The following TADA2B variants were observed in gnomAD, a reference collection of about 807,000 sequenced individuals.
TADA2B encodes the protein transcriptional adapter 2-beta.
TADA2B carries 13 observed loss-of-function variants against 34.5 expected under a neutral mutation model. The observed-to-expected ratio is 0.38, with a 90% CI of 0.25 to 0.60. The LOEUF (loss-of-function observed/expected upper bound fraction) is 0.60, where lower values mean the gene tolerates loss of function less well. Among genes scored for constraint, TADA2B ranks in the 20% least tolerant of loss-of-function variants. The pLI, the probability that TADA2B is intolerant of heterozygous loss-of-function variation, is 0.65. For synonymous variants in TADA2B, 240 were observed against 243.4 expected (o/e 0.99, Z 0.13); for missense variants, 442 against 575.0 (o/e 0.77, Z 2.37).
At position 7,057,081 on chromosome 4, in the gene TADA2B, C is replaced by G. The variant is rs1413021729; in HGVS notation, c.*2027C>G. 6.6e-6 allele frequency: 1 copy of G among 152,140 alleles called. No individual in the cohort carries two copies. The highest frequency in any genetic ancestry group is 1.5e-5 in the Non-Finnish European group (1 of 68,028). The allele number at this position is 152,140 out of a possible 1,614,324, so 9.4% of individuals were successfully genotyped here. On this transcript the variant is annotated 3_prime_UTR_variant, in exon 2 of 2. Transcript: ENST00000310074. Reference sequence around the variant, plus strand: ...CCTGATTTTCTACAGCGCCAGGATCCTAGTTTGGTGAGGTTTTAAATTTAA... The same window carrying G: ...CCTGATTTTCTACAGCGCCAGGATCGTAGTTTGGTGAGGTTTTAAATTTAA...
chr4:7,047,814 A>G (rs1446783779), intron 1 of TADA2B, among the ~76,000 whole-genome samples: 1 of 152,200 alleles, frequency 6.6e-6, no homozygotes, highest in Non-Finnish European at 1.5e-5. Context: ...GCTGGTGAAA[A>G]GCCCTGGGTG....
intron 1 of TADA2B, chr4:7,053,341 C>T (rs1356416811): frequency 1.3e-5 from 2 of 152,360 alleles, no homozygotes; most frequent in African/African-American, 4.8e-5. Flanking sequence ...GGCAGACTCC[C>T]AGCCAGCTGC....
chr4:7,053,726 C>T (rs1723820151), intron 1 of TADA2B: 1 of 253,716 alleles, frequency 3.9e-6, no homozygotes, highest in Non-Finnish European at 7.6e-6. Context: ...CCTCTGGTCG[C>T]AGGTGGGGAA....
chr4:7,057,951 AAG>A, exon 2 of TADA2B: 1 of 152,324 alleles, frequency 6.6e-6, no homozygotes, highest in African/African-American at 2.4e-5. Context: ...TTGAGAACAA[AAG>A]AGTGTCACCG....
In TADA2B at chr4:7,054,848, G is replaced by C. The variant is rs1189016692; in HGVS notation, c.1057G>C (p.Asp353His). The C allele has an allele frequency of 6.2e-7, 1 of 1,613,940 alleles. No individual in the cohort carries two copies. Among genetic ancestry groups the C allele is most frequent in the Non-Finnish European group, 8.5e-7 (1 of 1,179,868 alleles). ...ENLPGFELLS[D>H]REKVLCSSLN... ...CCTTCCAGGCTTCGAGCTCCTGTCA[G>C]ATCGCGAGAAGGTGCTCTGCAGCTC... Residue 353 changes from aspartate (D) to histidine (H), a missense_variant, in exon 2 of 2, where the codon GAT (aspartate) becomes CAT (histidine). Transcript: ENST00000310074.
rs1577218568 is a variant in TADA2B at position 7,056,077 on chromosome 4, A to T, written c.*1023A>T. On this transcript the variant is annotated 3_prime_UTR_variant, in exon 2 of 2. Coordinates refer to ENST00000310074, the MANE Select transcript of TADA2B (RefSeq NM_152293.3). ...CGCCTGGCTAGTAGGCATCTGTAAG[A>T]GTGTCGCCAGGCCCGCGCCAGCTGA... 1 of 152,498 alleles carries T rather than the reference A, an allele frequency of 6.6e-6. No individual in the cohort carries two copies. Among genetic ancestry groups the T allele is most frequent in the African/African-American group, 2.4e-5 (1 of 41,416 alleles). 9.4% of individuals were successfully genotyped at this position (152,498 alleles called of 1,614,324 possible).
At chr4:7,045,879 A>C (rs1477847268) in intron 1 of TADA2B, 2 of 151,670 alleles carry the variant, frequency 1.3e-5, no homozygotes. Flanking sequence ...TGGTTTTGGA[A>C]GAAACCAGGC....
At position 7,044,326 on chromosome 4, in the gene TADA2B, G is replaced by A. The variant is rs372715493; in HGVS notation, c.270+477G>A. On this transcript the variant is annotated intron_variant, in intron 1 of 1. Transcript: ENST00000310074. ...TTGCTTTCTGTCACTGTATGCATGTGCCCTGTGTGGTCCGCAGTGCACAGA... is the reference window on the plus strand; with the variant it reads ...TTGCTTTCTGTCACTGTATGCATGTACCCTGTGTGGTCCGCAGTGCACAGA... 1.1e-4 allele frequency among the ~76,000 whole-genome samples: 16 copies of A among 152,348 alleles called. No individual in the cohort carries two copies. The East Asian group carries it at 1.4e-3, about 13-fold the overall frequency.
chr4:7,048,869 G>A (rs1190999790), intron 1 of TADA2B, among the ~76,000 whole-genome samples: 1 of 152,170 alleles, frequency 6.6e-6, no homozygotes, highest in Non-Finnish European at 1.5e-5. Context: ...ATGTCGTCAG[G>A]GATCATCCGT....
At position 7,054,626 on chromosome 4, in the gene TADA2B, C is replaced by T. The variant is rs750881291; in HGVS notation, c.835C>T (p.His279Tyr). The T allele has an allele frequency of 1.9e-6, 3 of 1,613,806 alleles. No homozygotes were observed. In the South Asian group the frequency reaches 3.3e-5, roughly 18 times the overall value. ...KEFDDLFENM[H>Y]KEKMLRAKIR... is the part of the protein sequence containing the mutation. ...GTTTGATGACCTTTTTGAAAACATG[C>T]ACAAAGAAAAAATGCTCCGGGCCAA... The change falls in exon 2 of 2, where the codon CAC becomes TAC. Residue 279 changes from histidine (H) to tyrosine (Y), a missense_variant. By Grantham distance (83) the His-to-Tyr change is moderately conservative. This residue lies in a region of TADA2B where 222 missense variants were observed against 235.2 expected (regional missense o/e 0.94). Coordinates refer to ENST00000310074, the MANE Select transcript of TADA2B (RefSeq NM_152293.3).
chr4:7,054,917 A>G lies in TADA2B; in HGVS notation c.1126A>G (p.Ile376Val), dbSNP rs1723854557. ...CCGCTACGTGACTGTGAAGACTATT[A>G]TAATTAAAGACCACCTCCAGAAGCG... ...PARYVTVKTI[I>V]IKDHLQKRQG... Residue 376 changes from isoleucine (I) to valine (V), a missense_variant, in exon 2 of 2, where the codon ATA becomes GTA. Physicochemically the swap from Ile to Val is conservative, Grantham distance 29. Around this residue, in one of 4 missense-constraint regions of TADA2B, gnomAD observed 114 missense variants for 144.7 expected, o/e 0.79. Transcript: ENST00000310074. The G allele has an allele frequency of 2.5e-6, 4 of 1,613,948 alleles. No homozygotes were observed. Among genetic ancestry groups the G allele is most frequent in the Non-Finnish European group, 2.5e-6 (3 of 1,179,900 alleles).
chr4:7,054,184 C>T lies in TADA2B; in HGVS notation c.393C>T (p.Arg131=), dbSNP rs377101722. Residue 131 remains arginine (R), a synonymous_variant, in exon 2 of 2, where the codon CGC becomes CGT. Coordinates refer to ENST00000310074, the MANE Select transcript of TADA2B (RefSeq NM_152293.3). ...KACIPDTIPN[R]VTDHTCPSGG... is the part of the protein sequence containing the mutation. ...GCATCCCCGACACCATCCCCAACCG[C>T]GTGACAGACCACACCTGTCCCAGCG... 1.1e-4 allele frequency: 180 copies of T among 1,606,374 alleles called. 1 individual carries two copies. Among genetic ancestry groups the T allele is most frequent in the South Asian group, 3.6e-4 (32 of 89,910 alleles).
At position 7,043,823 on chromosome 4, in the gene TADA2B, A is replaced by G; in HGVS notation, c.244A>G (p.Ile82Val). The change falls in exon 1 of 2, where the codon ATC (isoleucine) becomes GTC (valine). Residue 82 changes from isoleucine (I) to valine (V), a missense_variant. Physicochemically the swap from Ile to Val is conservative, Grantham distance 29 (BLOSUM62 3). This residue lies in a region of TADA2B where 102 missense variants were observed against 177.2 expected (regional missense o/e 0.58). Coordinates refer to ENST00000310074, the MANE Select transcript of TADA2B (RefSeq NM_152293.3). ...SREEQLLLDA[I>V]EQFGFGNWED... ...CGAGGAGCAGCTGCTGCTGGACGCC[A>G]TCGAGCAGTTCGGCTTCGGAAACTG... 6.7e-7 allele frequency: 1 copy of G among 1,498,762 alleles called. No homozygotes were observed. The highest frequency in any genetic ancestry group is 8.9e-7 in the Non-Finnish European group (1 of 1,122,482). The allele number at this position is 1,498,762 out of a possible 1,614,324, so 92.8% of individuals were successfully genotyped here.
chr4:7,043,656 G>A lies in TADA2B; in HGVS notation c.77G>A (p.Cys26Tyr). ...CCGCTGCGCTTCCGCTGCACCGAGT[G>A]CCAGGACATCGAGCTGTGCCCCGAG... Reference protein sequence around the residue: ...VSPLRFRCTECQDIELCPECF... With the variant: ...VSPLRFRCTEYQDIELCPECF... The change falls in exon 1 of 2, where the codon TGC becomes TAC. Residue 26 changes from cysteine (C) to tyrosine (Y), a missense_variant. Physicochemically the swap from Cys to Tyr is radical, Grantham distance 194 (BLOSUM62 -2). Coordinates refer to ENST00000310074, the MANE Select transcript of TADA2B (RefSeq NM_152293.3). 6.4e-7 allele frequency: 1 copy of A among 1,573,984 alleles called. No individual in the cohort carries two copies.
chr4:7,053,992 A>C (rs1223384249), intron 1 of TADA2B, 70 bp from the exon 2 acceptor site: 13 of 1,469,314 alleles, frequency 8.8e-6, no homozygotes, highest in African/African-American at 4.2e-5. Context: ...AAAAACGTGA[A>C]GAGAATCTGT....
rs755892876 is a variant in TADA2B at position 7,050,554 on chromosome 4, C to A, written c.271-3508C>A. Among the ~76,000 whole-genome samples, 3 of 152,362 alleles carry A rather than the reference C, an allele frequency of 2.0e-5. No individual in the cohort carries two copies. In the Middle Eastern group the frequency reaches 0.01, roughly 518 times the overall value. ...TGTCCTCTGCCTCGTCCTTCACAGA[C>A]CAGATGGGGGTGAGGAAAGGACAGC... On this transcript the variant is annotated intron_variant, in intron 1 of 1. Coordinates refer to ENST00000310074, the MANE Select transcript of TADA2B (RefSeq NM_152293.3).
intron 1 of TADA2B, among the ~76,000 whole-genome samples, chr4:7,046,384 C>A (rs1367706192): frequency 6.6e-6 from 1 of 152,216 alleles, no homozygotes. Context: ...CAGGCTCTTC[C>A]CATATGTGTC....
chr4:7,043,962 A>G, intron 1 of TADA2B, 113 bp downstream of exon 1: 1 of 1,300,490 alleles, frequency 7.7e-7, no homozygotes, highest in African/African-American at 1.5e-5. Context: ...CGCACCCCAG[A>G]AGGCCCCGGA....
At chr4:7,048,285 G>C (rs775858278) in intron 1 of TADA2B, among the ~76,000 whole-genome samples, 1 of 152,174 alleles carries the variant, frequency 6.6e-6, no homozygotes, top group Non-Finnish European at 1.5e-5. Context: ...GATGGCGGGA[G>C]GGGGAGGGAG....
Sources: gnomAD v4.1 joint callset for allele counts (sites outside exome capture counted in the v4.1 genomes callset) on GRCh38, gnomAD v4.1.1 for gene constraint, gnomAD v4.1.1 regional missense constraint, MANE v1.5 for transcripts, NCBI Gene and HGNC (gene_info 2026-07-23, HGNC 2026-07-21) for gene names.